The following CDH12 variants were observed in gnomAD, a reference collection of about 807,000 sequenced individuals.
CDH12 encodes the protein cadherin-12.
Under a neutral mutation model 74.1 loss-of-function variants are expected in CDH12, and 41 were observed. The ratio of observed to expected loss-of-function variants is 0.55; its 90% CI spans 0.43 to 0.72. The LOEUF (loss-of-function observed/expected upper bound fraction) is 0.72. Ranked by LOEUF, CDH12 falls within the 30% of genes least tolerant of loss-of-function variation. The pLI, the probability that CDH12 is intolerant of heterozygous loss-of-function variation, is 0.00. For missense variants in CDH12, 945 were observed against 977.2 expected (o/e 0.97, Z 0.44); for synonymous variants, 399 against 355.0 (o/e 1.12, Z -1.39).
chr5:22,174,553 A>T (rs923222466), intron 4 of CDH12, among the ~76,000 whole-genome samples: 4 of 152,098 alleles, frequency 2.6e-5, no homozygotes, highest in Admixed American at 6.6e-5. Flanking sequence ...TGAATTGGAA[A>T]ATATGTCCTG....
At chr5:22,500,512 G>A (rs1747287429) in intron 2 of CDH12, among the ~76,000 whole-genome samples, 1 of 152,020 alleles carries the variant, frequency 6.6e-6, no homozygotes, top group South Asian at 2.1e-4. Context: ...TTTTACTATG[G>A]CCCAGAAACA....
At chr5:22,814,374 A>C (rs953237600) in intron 1 of CDH12, among the ~76,000 whole-genome samples, 5 of 152,178 alleles carry the variant, frequency 3.3e-5, no homozygotes, top group Admixed American at 3.3e-4. Flanking sequence ...AATAGACAAA[A>C]ATTTTGTGCT....
At chr5:21,912,732 G>C (rs1394336527) in intron 6 of CDH12, among the ~76,000 whole-genome samples, 2 of 152,150 alleles carry the variant, frequency 1.3e-5, no homozygotes, top group Non-Finnish European at 2.9e-5. Flanking sequence ...AGGCAAGCAA[G>C]GTAGGTCAGG....
chr5:22,321,513 A>C (rs1393833998), intron 3 of CDH12, among the ~76,000 whole-genome samples: 1 of 111,844 alleles, frequency 8.9e-6, no homozygotes, highest in Non-Finnish European at 1.8e-5. Flanking sequence ...GGGAGGGGGG[A>C]GGGATAGCAT....
intron 4 of CDH12, among the ~76,000 whole-genome samples, chr5:22,126,001 G>T (rs567646615): frequency 7.0e-5 from 2 of 28,500 alleles, no homozygotes; most frequent in Admixed American, 6.7e-4. Flanking sequence ...CATTCATTTT[G>T]GGGGGGGGAC....
intron 1 of CDH12, among the ~76,000 whole-genome samples, chr5:22,551,569 C>G (rs1173081680): frequency 6.6e-6 from 1 of 152,012 alleles, no homozygotes; most frequent in African/African-American, 2.4e-5. Flanking sequence ...GGCCACCACA[C>G]TAAGAAAAGC....
chr5:22,433,568 AT>A lies in CDH12; in HGVS notation c.-427-28218del, dbSNP rs540080146. ...GTAGAATAAAATTTTAAAATAAAAA[AT>A]AATAGCTAACATTTATTCATCCCCT... On this transcript the variant is annotated intron_variant, in intron 2 of 14. Transcript: ENST00000382254. Among the ~76,000 whole-genome samples, 722 of 152,246 alleles carry A rather than the reference AT, an allele frequency of 4.7e-3. 3 individuals are homozygous for A. Among genetic ancestry groups the A allele is most frequent in the Middle Eastern group, 0.01 (3 of 294 alleles).
At chr5:22,118,637 CT>C (rs2150271722) in intron 4 of CDH12, among the ~76,000 whole-genome samples, 1 of 152,076 alleles carries the variant, frequency 6.6e-6, no homozygotes, top group Non-Finnish European at 1.5e-5. Context: ...AAATGTCTGC[CT>C]TTTCTGATTC....
At chr5:21,947,020 T>C (rs1335123657) in intron 6 of CDH12, among the ~76,000 whole-genome samples, 1 of 152,162 alleles carries the variant, frequency 6.6e-6, no homozygotes, top group Non-Finnish European at 1.5e-5. Flanking sequence ...GTTTTAAAAG[T>C]GTTTGAAAGT....
intron 5 of CDH12, among the ~76,000 whole-genome samples, chr5:22,047,414 T>G (rs1423883365): frequency 6.6e-6 from 1 of 152,160 alleles, no homozygotes; most frequent in Admixed American, 6.6e-5. Flanking sequence ...TACCACACTT[T>G]CCATAATGAC....
At chr5:21,918,271 TTAAG>T (rs1754192414) in intron 6 of CDH12, among the ~76,000 whole-genome samples, 1 of 152,158 alleles carries the variant, frequency 6.6e-6, no homozygotes, top group Non-Finnish European at 1.5e-5. Context: ...CAATATGCAT[TTAAG>T]TGTGTGTTGT....
At chr5:22,323,036 G>A (rs552937816) in intron 3 of CDH12, among the ~76,000 whole-genome samples, 2 of 152,258 alleles carry the variant, frequency 1.3e-5, no homozygotes, top group East Asian at 1.9e-4. Context: ...GGTAATAAGA[G>A]TAATCAGTTT....
chr5:21,812,371 G>A (rs1013112511), intron 9 of CDH12, among the ~76,000 whole-genome samples: 1 of 152,002 alleles, frequency 6.6e-6, no homozygotes, highest in South Asian at 2.1e-4. Flanking sequence ...CAATATTGAA[G>A]GGAAAACCTT....
intron 3 of CDH12, among the ~76,000 whole-genome samples, chr5:22,318,882 GA>G (rs1045201588): frequency 6.0e-5 from 9 of 149,694 alleles, no homozygotes; most frequent in Non-Finnish European, 1.2e-4. Context: ...TCTGGTAGGG[GA>G]AAAAAAAACA....
At chr5:22,508,467 T>A (rs551762011) in intron 1 of CDH12, among the ~76,000 whole-genome samples, 18 of 152,204 alleles carry the variant, frequency 1.2e-4, no homozygotes, top group Non-Finnish European at 2.1e-4. Context: ...AATTTGCATC[T>A]GTAAAGAATT....
In CDH12 at chr5:21,751,822, T is replaced by C. The variant is rs1744088689; in HGVS notation, c.2300A>G (p.Tyr767Cys). 3 of 1,614,130 alleles carry C rather than the reference T, an allele frequency of 1.9e-6. No individual in the cohort carries two copies. Among genetic ancestry groups the C allele is most frequent in the Non-Finnish European group, 2.5e-6 (3 of 1,180,002 alleles). ...LTTEADQDYD[Y>C]LTDWGPRFKV... ...AAAGCGGGGTCCCCAGTCTGTCAGA[T>C]AGTCATAGTCCTGGTCGGCTTCTGT... The change falls in exon 15 of 15, where the codon TAT becomes TGT. Residue 767 changes from tyrosine (Y) to cysteine (C), a missense_variant. Physicochemically the swap from Tyr to Cys is radical, Grantham distance 194. Around this residue, in one of 3 missense-constraint regions of CDH12, gnomAD observed 791 missense variants for 792.8 expected, o/e 1.00. Transcript: ENST00000382254.
intron 3 of CDH12, among the ~76,000 whole-genome samples, chr5:22,318,133 G>A (rs554464026): frequency 6.6e-6 from 1 of 152,338 alleles, no homozygotes; most frequent in South Asian, 2.1e-4. Context: ...TAACTTCGAT[G>A]TGCCAAGTGG....
intron 1 of CDH12, among the ~76,000 whole-genome samples, chr5:22,788,608 AAT>A (rs1747759037): frequency 6.7e-6 from 1 of 148,174 alleles, no homozygotes; most frequent in Non-Finnish European, 1.5e-5. Context: ...TAATACATGA[AAT>A]ATATTAATAA....
intron 4 of CDH12, among the ~76,000 whole-genome samples, chr5:22,087,803 A>G (rs1371506861): frequency 6.6e-6 from 1 of 152,198 alleles, no homozygotes; most frequent in Non-Finnish European, 1.5e-5. Context: ...GAATTTTCAA[A>G]CTGCATTCAA....
Sources: allele counts gnomAD v4.1 joint callset (sites outside exome capture counted in the v4.1 genomes callset), GRCh38; gene constraint gnomAD v4.1.1; regional missense constraint gnomAD v4.1.1; transcripts MANE v1.5; gene names NCBI Gene and HGNC (gene_info 2026-07-23, HGNC 2026-07-21).